The following DMD variants were observed in gnomAD, a reference collection of about 807,000 sequenced individuals.
The protein encoded by DMD is mutant dystrophin.
DMD carries 63 observed loss-of-function variants against 330.1 expected under a neutral mutation model. That is an observed-to-expected ratio of 0.19 (90% CI 0.16 to 0.24). The LOEUF (loss-of-function observed/expected upper bound fraction) is 0.24. Among genes scored for constraint, DMD ranks in the 10% least tolerant of loss-of-function variants. The probability of loss-of-function intolerance (pLI) is 1.00; values close to 1 mark genes in which losing one functional copy is unlikely to be tolerated. For synonymous variants in DMD, 1,223 were observed against 959.8 expected, an observed-to-expected ratio of 1.27 and a Z score of -5.07; for missense variants, 3,344 against 2,684.1, an observed-to-expected ratio of 1.25 and a Z score of -5.43.
chrX:32,614,611 A>G (rs1191179204), intron 11 of DMD, among the ~76,000 whole-genome samples, 158 bp from the exon 12 acceptor site: 1 of 111,037 alleles, frequency 9.0e-6, no homozygotes, highest in Non-Finnish European at 1.9e-5. Context: ...ACTATCAGTC[A>G]CCCCGGAACT....
At chrX:32,303,395 A>T (rs947744621) in intron 42 of DMD, among the ~76,000 whole-genome samples, 6 of 110,582 alleles carry the variant, frequency 5.4e-5, no homozygotes, top group African/African-American at 2.0e-4. Context: ...AAAACAACAA[A>T]CAAGATACTA....
At chrX:32,182,247 A>C (rs767363332) in intron 44 of DMD, among the ~76,000 whole-genome samples, 1 of 112,195 alleles carries the variant, frequency 8.9e-6, no homozygotes, top group Admixed American at 9.5e-5. Context: ...TATAACACCA[A>C]ATGAAAAGCC....
At chrX:33,266,651 G>A (rs2053046158) in intron 1 of DMD, among the ~76,000 whole-genome samples, 1 of 111,323 alleles carries the variant, frequency 9.0e-6, no homozygotes. Flanking sequence ...AAAAAGTATG[G>A]GTGGCTATAC....
intron 2 of DMD, among the ~76,000 whole-genome samples, chrX:32,935,832 A>C (rs187415941): frequency 1.1e-3 from 126 of 111,512 alleles, no homozygotes; most frequent in Admixed American, 2.3e-3. Flanking sequence ...TTAACAGCTA[A>C]GGAAGGATCA....
At chrX:31,456,277 C>T (rs1244130308) in intron 59 of DMD, among the ~76,000 whole-genome samples, 1 of 112,228 alleles carries the variant, frequency 8.9e-6, no homozygotes, top group East Asian at 2.8e-4. Flanking sequence ...GCATATTTCT[C>T]CTTCTTTTAG....
At chrX:31,441,237 C>T (rs932772165) in intron 60 of DMD, among the ~76,000 whole-genome samples, 9 of 111,796 alleles carry the variant, frequency 8.1e-5, no homozygotes, top group Non-Finnish European at 1.1e-4. Context: ...GGCTCTGTCG[C>T]CCAGGCTGGA....
chrX:32,594,966 T>C (rs372779835), intron 13 of DMD, among the ~76,000 whole-genome samples: 12 of 111,825 alleles, frequency 1.1e-4, no homozygotes, highest in Middle Eastern at 4.7e-3. Context: ...CTCCACTTGA[T>C]TCCTTTTAAT....
intron 44 of DMD, among the ~76,000 whole-genome samples, chrX:32,087,483 A>G (rs2096447693): frequency 9.0e-6 from 1 of 111,703 alleles, no homozygotes; most frequent in Non-Finnish European, 1.9e-5. Context: ...AAATAGATAT[A>G]TAAAAATAGG....
intron 76 of DMD, among the ~76,000 whole-genome samples, chrX:31,134,726 C>T (rs1034517166): frequency 5.3e-5 from 6 of 112,304 alleles, no homozygotes; most frequent in African/African-American, 1.9e-4. Flanking sequence ...CAGCCTACTG[C>T]GTATCTTTTT....
intron 1 of DMD, among the ~76,000 whole-genome samples, chrX:33,090,378 A>G (rs2095069195): frequency 1.8e-5 from 2 of 108,436 alleles, no homozygotes; most frequent in African/African-American, 3.3e-5. Flanking sequence ...ATATTATTAT[A>G]GAATATTCTA....
chrX:31,327,087 A>AT (rs1343225594), intron 61 of DMD, among the ~76,000 whole-genome samples: 12 of 112,479 alleles, frequency 1.1e-4, no homozygotes, highest in African/African-American at 3.9e-4. Context: ...AGATGTGCTT[A>AT]TAACCACTAC....
At chrX:32,478,677 G>A (rs980925043) in intron 21 of DMD, among the ~76,000 whole-genome samples, 2 of 111,561 alleles carry the variant, frequency 1.8e-5, no homozygotes, top group Non-Finnish European at 3.8e-5. Context: ...CAACATTTTA[G>A]CCCAATTTCC....
intron 57 of DMD, among the ~76,000 whole-genome samples, chrX:31,483,183 A>G (rs1305869628): frequency 1.9e-5 from 2 of 107,019 alleles, no homozygotes; most frequent in East Asian, 3.0e-4. Context: ...AGTAGCTGGG[A>G]CTACAGGCGC....
chrX:31,706,986 C>T (rs1421225774), intron 52 of DMD, among the ~76,000 whole-genome samples: 1 of 111,347 alleles, frequency 9.0e-6, no homozygotes, highest in Non-Finnish European at 1.9e-5. Flanking sequence ...AGTTGTGTTC[C>T]AAAACAAAAG....
At chrX:31,862,167 T>A (rs2093718375) in intron 48 of DMD, among the ~76,000 whole-genome samples, 1 of 111,018 alleles carries the variant, frequency 9.0e-6, no homozygotes, top group Non-Finnish European at 1.9e-5. Context: ...GGAGTCTTGC[T>A]CTGTCACCCA....
At chrX:31,150,831 G>T (rs1195190905) in intron 74 of DMD, among the ~76,000 whole-genome samples, 2 of 111,693 alleles carry the variant, frequency 1.8e-5, no homozygotes, top group African/African-American at 6.5e-5. Context: ...ATCTACTCTG[G>T]TTTTTTTCTT....
At chrX:32,811,487 C>A (rs2077367676) in intron 6 of DMD, among the ~76,000 whole-genome samples, 1 of 112,131 alleles carries the variant, frequency 8.9e-6, no homozygotes, top group Admixed American at 9.5e-5. Context: ...GTGTATCTTT[C>A]TCTTCCACTA....
intron 76 of DMD, among the ~76,000 whole-genome samples, chrX:31,137,181 G>T (rs954208748): frequency 1.9e-4 from 21 of 110,945 alleles, no homozygotes; most frequent in African/African-American, 6.9e-4. Context: ...ACCACGCCTG[G>T]CTAATTTTTT....
chrX:32,724,395 G>A (rs2066646953), intron 7 of DMD, among the ~76,000 whole-genome samples: 1 of 111,485 alleles, frequency 9.0e-6, no homozygotes, highest in Non-Finnish European at 1.9e-5. Context: ...ATCTAGAGTA[G>A]TCTACTAAAG....
Sources: allele counts gnomAD v4.1 joint callset (sites outside exome capture counted in the v4.1 genomes callset), GRCh38; gene constraint gnomAD v4.1.1; transcripts MANE v1.5; gene names NCBI Gene and HGNC (gene_info 2026-07-23, HGNC 2026-07-21).